Variants in PCDH15 observed in about 807,000 individuals in gnomAD.
PCDH15 encodes the protein protocadherin related 15, also known as protocadherin-15.
PCDH15 carries 129 observed loss-of-function variants against 178.5 expected under a neutral mutation model. That is an observed-to-expected ratio of 0.72 (90% CI 0.63 to 0.84). The LOEUF (loss-of-function observed/expected upper bound fraction) is 0.84, where lower values mean the gene tolerates loss of function less well. Among genes scored for constraint, PCDH15 ranks in the 40% least tolerant of loss-of-function variants. The pLI, the probability that PCDH15 is intolerant of heterozygous loss-of-function variation, is 0.00. For missense variants in PCDH15, 2,230 were observed against 2,099.9 expected (o/e 1.06, Z -1.21); for synonymous variants, 800 against 732.0 (o/e 1.09, Z -1.50).
chr10:53,834,320 T>TA (rs1432274290), intron 29 of PCDH15, among the ~76,000 whole-genome samples: 2 of 150,488 alleles, frequency 1.3e-5, no homozygotes, highest in Non-Finnish European at 3.0e-5. Flanking sequence ...CTAAAAATGT[T>TA]AAACTGTTTT....
At chr10:54,112,480 G>T (rs923440736) in intron 15 of PCDH15, among the ~76,000 whole-genome samples, 5 of 152,040 alleles carry the variant, frequency 3.3e-5, no homozygotes, top group African/African-American at 1.2e-4. Context: ...CTGTCATAGA[G>T]TCCAATTAAA....
intron 28 of PCDH15, among the ~76,000 whole-genome samples, chr10:53,851,735 CAT>C (rs1379767439): frequency 2.2e-4 from 29 of 133,588 alleles, no homozygotes; most frequent in African/African-American, 7.3e-4. Context: ...TACACACACA[CAT>C]ATATACATAT....
intron 3 of PCDH15, among the ~76,000 whole-genome samples, chr10:54,468,086 TTATC>T (rs2077649352): frequency 6.6e-6 from 1 of 151,980 alleles, no homozygotes; most frequent in Non-Finnish European, 1.5e-5. Flanking sequence ...TTTATAAATT[TTATC>T]TTTTTTTGGA....
At chr10:55,004,013 G>T (rs1441216177) in intron 2 of PCDH15, among the ~76,000 whole-genome samples, 1 of 152,054 alleles carries the variant, frequency 6.6e-6, no homozygotes, top group Non-Finnish European at 1.5e-5. Context: ...AGGTTCCAAT[G>T]AAGCTAACTT....
intron 18 of PCDH15, among the ~76,000 whole-genome samples, chr10:54,058,743 G>A (rs10740570): frequency 6.6e-6 from 1 of 150,924 alleles, no homozygotes; most frequent in Non-Finnish European, 1.5e-5. Flanking sequence ...GCCCAGGCTG[G>A]AGTGCAGTGG....
At chr10:54,741,844 C>G (rs1408117202) in intron 1 of PCDH15, among the ~76,000 whole-genome samples, 1 of 152,004 alleles carries the variant, frequency 6.6e-6, no homozygotes, top group Non-Finnish European at 1.5e-5. Context: ...ATTGGACCCA[C>G]CTCAACAATC....
At chr10:54,026,453 A>C (rs553036659) in intron 18 of PCDH15, among the ~76,000 whole-genome samples, 1 of 152,296 alleles carries the variant, frequency 6.6e-6, no homozygotes, top group South Asian at 2.1e-4. Context: ...ATCCTCACCA[A>C]TAGAGTTTCA....
At chr10:54,826,043 G>T (rs1564543452) in intron 3 of PCDH15, among the ~76,000 whole-genome samples, 1 of 151,918 alleles carries the variant, frequency 6.6e-6, no homozygotes. Context: ...TAATTCCATT[G>T]TAGAATGAAA....
At chr10:54,199,908 A>T (rs1359336694) in intron 10 of PCDH15, among the ~76,000 whole-genome samples, 2 of 152,160 alleles carry the variant, frequency 1.3e-5, no homozygotes, top group Non-Finnish European at 2.9e-5. Flanking sequence ...AACGAGACCA[A>T]AGTAAAACTG....
Position 55,549,947 on chromosome 10 carries a change from G to A in PCDH15, c.-156+77678C>T, listed in dbSNP as rs116052422. On this transcript the variant is annotated intron_variant, in intron 2 of 5. Transcript: ENST00000613346. ...GTGTTGGGGGTGTGTGTGTGCGCAT[G>A]CGTGCATTTTAGTGAACTTTGTATT... Among the ~76,000 whole-genome samples the A allele has an allele frequency of 3.6e-3, 544 of 152,158 alleles. 5 individuals are homozygous for A. Among genetic ancestry groups the A allele is most frequent in the African/African-American group, 0.013 (521 of 41,536 alleles).
intron 3 of PCDH15, among the ~76,000 whole-genome samples, chr10:54,459,772 G>A (rs1034554314): frequency 2.6e-5 from 4 of 152,106 alleles, no homozygotes; most frequent in Non-Finnish European, 5.9e-5. Flanking sequence ...AGGAACTGAA[G>A]GCCTGTGAAG....
chr10:54,339,522 G>A (rs1034715898), intron 6 of PCDH15, among the ~76,000 whole-genome samples: 1 of 151,994 alleles, frequency 6.6e-6, no homozygotes, highest in South Asian at 2.1e-4. Flanking sequence ...AATTCAAGTG[G>A]TACTTAATAA....
chr10:54,452,520 T>C lies in PCDH15; in HGVS notation c.158-73578A>G, dbSNP rs536804672. The C allele has an allele frequency of 3.3e-5, 5 of 152,236 alleles. No homozygotes were observed. In the South Asian group the frequency reaches 6.2e-4, roughly 19 times the overall value. The allele number at this position is 152,236 out of a possible 1,614,324, so 9.4% of individuals were successfully genotyped here. A position where few individuals can be genotyped will look rare whatever the true frequency, so the allele number is the denominator to read the frequency against. On this transcript the variant is annotated intron_variant, in intron 3 of 37. Transcript: ENST00000644397. ...ACGTGCTGCCAAAGCAAGTGCCAGC[T>C]ATTTTTGAAGAACTGATATGTACTC...
At chr10:55,316,093 G>GT (rs1206600537) in intron 1 of PCDH15, among the ~76,000 whole-genome samples, 9 of 152,032 alleles carry the variant, frequency 5.9e-5, no homozygotes, top group Non-Finnish European at 7.4e-5. Context: ...ATCTAAAAAT[G>GT]TTTTTTTGTA....
chr10:53,856,740 C>T (rs2078768890), intron 28 of PCDH15, among the ~76,000 whole-genome samples: 1 of 151,870 alleles, frequency 6.6e-6, no homozygotes, highest in South Asian at 2.1e-4. Context: ...CACATATTTC[C>T]AATTAGACTT....
chr10:53,828,819 T>G (rs892886148), intron 30 of PCDH15, among the ~76,000 whole-genome samples: 1 of 152,076 alleles, frequency 6.6e-6, no homozygotes, highest in Non-Finnish European at 1.5e-5. Context: ...ATGAACTACA[T>G]AGAATAAGAA....
At chr10:53,835,442 G>A (rs1034233805) in intron 29 of PCDH15, among the ~76,000 whole-genome samples, 5 of 152,032 alleles carry the variant, frequency 3.3e-5, no homozygotes, top group Admixed American at 2.0e-4. Context: ...AAGAGAATAT[G>A]GCTATTAACA....
intron 2 of PCDH15, among the ~76,000 whole-genome samples, chr10:55,547,213 G>A (rs1841903883): frequency 6.6e-6 from 1 of 152,048 alleles, no homozygotes; most frequent in African/African-American, 2.4e-5. Context: ...CTAATATGAA[G>A]GCATATCAGA....
At chr10:54,659,612 G>C (rs186410102) in intron 2 of PCDH15, among the ~76,000 whole-genome samples, 2 of 152,046 alleles carry the variant, frequency 1.3e-5, no homozygotes, top group African/African-American at 4.8e-5. Flanking sequence ...AATTAGCTGG[G>C]TGTTAGTGGG....
Sources: allele counts gnomAD v4.1 joint callset (sites outside exome capture counted in the v4.1 genomes callset), GRCh38; gene constraint gnomAD v4.1.1; transcripts MANE v1.5; gene names NCBI Gene and HGNC (gene_info 2026-07-23, HGNC 2026-07-21).